DENND2D: variants seen among roughly 807,000 people sequenced by gnomAD.
The protein encoded by DENND2D is DENN domain containing 2D, also known as DENN domain-containing protein 2D.
DENND2D carries 37 observed loss-of-function variants against 59.8 expected under a neutral mutation model. That is an observed-to-expected ratio of 0.62 (90% CI 0.48 to 0.81). The LOEUF (loss-of-function observed/expected upper bound fraction) is 0.81. DENND2D is among the 40% of genes least tolerant of loss of function. The pLI is 0.00. For missense variants in DENND2D, 525 were observed against 579.7 expected, an observed-to-expected ratio of 0.91 and a Z score of 0.97; for synonymous variants, 219 against 211.3, an observed-to-expected ratio of 1.04 and a Z score of -0.31.
At chr1:111,203,206 G>A (rs1045082464), upstream of DENND2D, among the ~76,000 whole-genome samples, 3 of 152,258 alleles carry the variant, frequency 2.0e-5, no homozygotes, top group Non-Finnish European at 4.4e-5. Flanking sequence ...GAGGGAAGGA[G>A]CAGGGTGTGG....
At chr1:111,198,294 G>A (rs1305427545) in intron 3 of DENND2D, among the ~76,000 whole-genome samples, 1 of 152,162 alleles carries the variant, frequency 6.6e-6, no homozygotes, top group Non-Finnish European at 1.5e-5. Flanking sequence ...AAATTCCAGG[G>A]CTCATGCTAG....
chr1:111,202,143 A>T (rs1287892832), upstream of DENND2D, among the ~76,000 whole-genome samples: 2 of 152,270 alleles, frequency 1.3e-5, no homozygotes, highest in Non-Finnish European at 2.9e-5. Context: ...ATTGAGAAAC[A>T]GAATCTTATC....
intron 9 of DENND2D, 30 bp from the exon 10 acceptor site, chr1:111,188,816 CAGGA>C: frequency 6.2e-7 from 1 of 1,600,658 alleles, no homozygotes; most frequent in South Asian, 1.1e-5. Flanking sequence ...CGAGGTCAAG[CAGGA>C]AGGAAGTGTG....
chr1:111,189,827 T>G (rs979159627), intron 8 of DENND2D, among the ~76,000 whole-genome samples: 2 of 152,186 alleles, frequency 1.3e-5, no homozygotes, highest in Admixed American at 6.5e-5. Flanking sequence ...CCAACATCTT[T>G]TTATTTTTTT....
At chr1:111,188,516 CTG>C in intron 10 of DENND2D, 146 bp from the exon 11 acceptor site, 1 of 1,322,064 alleles carries the variant, frequency 7.6e-7, no homozygotes, top group African/African-American at 1.5e-5. Flanking sequence ...AGATGGGAAT[CTG>C]GGTATGAGTT....
At chr1:111,200,031 C>T in intron 1 of DENND2D, 1 of 608,744 alleles carries the variant, frequency 1.6e-6, no homozygotes. Context: ...AAACCACTGA[C>T]ACAGAAGCCA....
At chr1:111,199,529 G>C (rs535839043) in intron 2 of DENND2D, 94 bp downstream of exon 2, 2 of 1,434,022 alleles carry the variant, frequency 1.4e-6, no homozygotes, top group African/African-American at 2.8e-5. Flanking sequence ...CTCAAGCCCC[G>C]GTAGGGTAGG....
intron 1 of DENND2D, 199 bp from the exon 2 acceptor site, chr1:111,199,997 C>T: frequency 1.5e-6 from 1 of 660,136 alleles, no homozygotes; most frequent in African/African-American, 1.8e-5. Flanking sequence ...GACTTGAAAC[C>T]ATGGGGAGCC....
At chr1:111,204,075 T>G (rs942692), upstream of DENND2D, 133,592 of 163,698 alleles carry the variant, frequency 0.82, 52,557 homozygotes, top group East Asian at 0.88. Context: ...CCTCGCCCCC[T>G]CAGGCCTGGC....
chr1:111,203,089 G>A (rs1284589715), upstream of DENND2D, among the ~76,000 whole-genome samples: 2 of 152,210 alleles, frequency 1.3e-5, no homozygotes, highest in Non-Finnish European at 2.9e-5. Context: ...TCCCACCACT[G>A]CACGGTCCCA....
upstream of DENND2D, chr1:111,204,366 G>T: frequency 7.0e-7 from 1 of 1,421,564 alleles, no homozygotes; most frequent in East Asian, 3.0e-5. Flanking sequence ...CCCCTGGAGT[G>T]CCCGGCTCCC....
At chr1:111,198,349 G>A (rs1658452715) in intron 3 of DENND2D, among the ~76,000 whole-genome samples, 1 of 152,186 alleles carries the variant, frequency 6.6e-6, no homozygotes, top group African/African-American at 2.4e-5. Flanking sequence ...ACTGCTTTCT[G>A]CTAAGTCCAG....
rs146007527 is a variant in DENND2D, at chr1:111,186,881, G to A, written c.*724C>T. 3.3e-5 allele frequency among the ~76,000 whole-genome samples: 5 copies of A among 152,284 alleles called. No homozygotes were observed. The highest frequency in any genetic ancestry group is 1.2e-4 in the African/African-American group (5 of 41,568). On this transcript the variant is annotated 3_prime_UTR_variant, in exon 12 of 12. Transcript: ENST00000357640. Reference sequence around the variant, plus strand: ...AAATTCCTATCCTCAAATTACTCTAGACTGAAGCTGCTTCCCTTCAGTGAG... The same window carrying A: ...AAATTCCTATCCTCAAATTACTCTAAACTGAAGCTGCTTCCCTTCAGTGAG...
intron 8 of DENND2D, among the ~76,000 whole-genome samples, chr1:111,190,174 A>AACAAAACAAAACAAAACAAAACAAAAC (rs77382405): frequency 6.7e-6 from 1 of 148,754 alleles, no homozygotes; most frequent in African/African-American, 2.5e-5. Flanking sequence ...AAAAAAAAAA[A>AACAAAACAAAACAAAACAAAACAAAAC]AAAAAAAAAC....
At chr1:111,200,159 T>C (rs1658659667) in intron 1 of DENND2D, 2 of 596,438 alleles carry the variant, frequency 3.4e-6, no homozygotes, top group East Asian at 3.0e-5. Context: ...GTTTAGTTCA[T>C]ACTAAGTGAA....
upstream of DENND2D, chr1:111,204,183 C>T: frequency 1.7e-6 from 2 of 1,202,018 alleles, no homozygotes. Flanking sequence ...CTTCCAACTG[C>T]TCCCGGATCT....
chr1:111,192,407 G>T, intron 7 of DENND2D, 90 bp from the exon 8 acceptor site: 1 of 1,369,238 alleles, frequency 7.3e-7, no homozygotes. Flanking sequence ...AGCAGCTAGA[G>T]CAGTGCTGCC....
intron 7 of DENND2D, among the ~76,000 whole-genome samples, chr1:111,192,766 CAT>C (rs1657897333): frequency 6.6e-6 from 1 of 152,146 alleles, no homozygotes; most frequent in African/African-American, 2.4e-5. Context: ...AAGAGACAAA[CAT>C]GTAAACAAGC....
intron 8 of DENND2D, among the ~76,000 whole-genome samples, chr1:111,190,332 C>T (rs1257420202): frequency 2.0e-5 from 3 of 152,114 alleles, no homozygotes; most frequent in African/African-American, 7.2e-5. Flanking sequence ...ACTTGGGGGA[C>T]CTGAGTTTTA....
Sources: allele counts gnomAD v4.1 joint callset (sites outside exome capture counted in the v4.1 genomes callset), GRCh38; gene constraint gnomAD v4.1.1; transcripts MANE v1.5; gene names NCBI Gene and HGNC (gene_info 2026-07-23, HGNC 2026-07-21).